Variants in HMGCLL1 observed in about 807,000 individuals in gnomAD.
HMGCLL1 encodes 3-hydroxymethyl-3-methylglutaryl-CoA lyase, cytoplasmic.
HMGCLL1 carries 36 observed loss-of-function variants against 39.1 expected under a neutral mutation model. That is an observed-to-expected ratio of 0.92 (90% CI 0.71 to 1.22). The LOEUF is 1.22. Ranked by LOEUF, HMGCLL1 falls within the 50% of genes most tolerant of loss-of-function variation. The pLI is 0.00. For synonymous variants in HMGCLL1, 149 were observed against 144.0 expected (o/e 1.03, Z -0.25); for missense variants, 451 against 416.5 (o/e 1.08, Z -0.72).
chr6:55,605,191 G>A, the HMGCLL1 span, among the ~76,000 whole-genome samples: 1 of 152,128 alleles, frequency 6.6e-6, no homozygotes, highest in Non-Finnish European at 1.5e-5. Flanking sequence ...GAAGGAAAGG[G>A]TAAAAACACT....
At chr6:55,543,160 T>TATATA (rs1168617216) in intron 1 of HMGCLL1, among the ~76,000 whole-genome samples, 1 of 6,230 alleles carries the variant, frequency 1.6e-4, no homozygotes, top group Non-Finnish European at 4.4e-4. Context: ...ATATATATTA[T>TATATA]ATATATAATA....
At chr6:55,559,915 C>T (rs1770858250) in intron 1 of HMGCLL1, among the ~76,000 whole-genome samples, 1 of 152,134 alleles carries the variant, frequency 6.6e-6, no homozygotes, top group South Asian at 2.1e-4. Flanking sequence ...AGTTAAACTT[C>T]ATTTTGTTTT....
At chr6:55,446,335 T>C (rs1763840048) in intron 7 of HMGCLL1, among the ~76,000 whole-genome samples, 1 of 148,972 alleles carries the variant, frequency 6.7e-6, no homozygotes, top group Admixed American at 6.7e-5. Context: ...ATATAACATA[T>C]ATAAATACAT....
chr6:55,579,140 C>G lies in HMGCLL1; in HGVS notation c.-85G>C, dbSNP rs527810724. On this transcript the variant is annotated 5_prime_UTR_variant, in exon 1 of 9. Coordinates refer to ENST00000274901, the MANE Select transcript of HMGCLL1 (RefSeq NM_001042406.2). ...GCACCGCGCTGGGAAACTGCGCCAG[C>G]TCGGGAGCGCGCCCCTCCGGTGCAC... is the stretch of plus-strand genomic sequence containing the variant. 421 of 1,014,334 alleles carry G rather than the reference C, an allele frequency of 4.2e-4. 1 individual carries two copies. Among genetic ancestry groups the G allele is most frequent in the Non-Finnish European group, 5.5e-4 (367 of 665,844 alleles). 62.8% of individuals were successfully genotyped at this position (1,014,334 alleles called of 1,614,324 possible).
the HMGCLL1 span, among the ~76,000 whole-genome samples, chr6:55,650,128 TATATATACACACAC>T: frequency 0.022 from 1,169 of 53,570 alleles, 19 homozygotes; most frequent in Non-Finnish European, 0.027. Flanking sequence ...TATATATATA[TATATATACACACAC>T]ACACACATAT....
chr6:55,667,270 A>G, the HMGCLL1 span, among the ~76,000 whole-genome samples: 2 of 151,788 alleles, frequency 1.3e-5, no homozygotes, highest in South Asian at 2.1e-4. Context: ...GATACTTTTG[A>G]TTATCTTAGA....
chr6:55,557,599 C>T (rs1264156953), intron 1 of HMGCLL1, among the ~76,000 whole-genome samples: 1 of 152,018 alleles, frequency 6.6e-6, no homozygotes, highest in Non-Finnish European at 1.5e-5. Context: ...TCCAGGTGAC[C>T]TATTTCATTT....
the HMGCLL1 span, among the ~76,000 whole-genome samples, chr6:55,650,799 G>A: frequency 6.6e-6 from 1 of 152,002 alleles, no homozygotes; most frequent in African/African-American, 2.4e-5. Context: ...AGGCAGAGGA[G>A]CCTCTCCCTA....
intron 7 of HMGCLL1, among the ~76,000 whole-genome samples, chr6:55,460,275 T>C: frequency 6.6e-6 from 1 of 151,972 alleles, no homozygotes; most frequent in East Asian, 1.9e-4. Context: ...ATAGCTATAT[T>C]CACAAAGGCT....
At chr6:55,601,917 A>G in the HMGCLL1 span, among the ~76,000 whole-genome samples, 1 of 152,126 alleles carries the variant, frequency 6.6e-6, no homozygotes, top group Non-Finnish European at 1.5e-5. Flanking sequence ...TTACTTTTCT[A>G]CGCACTTGTT....
chr6:55,541,895 A>G (rs1331904136), intron 2 of HMGCLL1, 59 bp from the exon 3 acceptor site: 2 of 1,085,658 alleles, frequency 1.8e-6, no homozygotes, highest in African/African-American at 1.6e-5. Context: ...AAGCACAAAC[A>G]GAAAATTACT....
At chr6:55,577,068 G>T (rs779375573) in intron 1 of HMGCLL1, 7 of 1,612,962 alleles carry the variant, frequency 4.3e-6, no homozygotes. Flanking sequence ...TGGGGCATCT[G>T]GATATTTACC....
the HMGCLL1 span, among the ~76,000 whole-genome samples, chr6:55,673,273 T>C: frequency 7.2e-5 from 11 of 151,978 alleles, no homozygotes; most frequent in Non-Finnish European, 1.5e-4. Context: ...AGCCTATTGG[T>C]ATTGTCTAGA....
chr6:55,596,010 T>G, the HMGCLL1 span, among the ~76,000 whole-genome samples: 1 of 152,158 alleles, frequency 6.6e-6, no homozygotes, highest in South Asian at 2.1e-4. Context: ...GTATCTACAT[T>G]GTGATGGCGT....
intron 7 of HMGCLL1, among the ~76,000 whole-genome samples, chr6:55,455,443 G>C (rs1387472183): frequency 6.6e-6 from 1 of 151,994 alleles, no homozygotes; most frequent in African/African-American, 2.4e-5. Context: ...ATTCAAAGAA[G>C]GTAGGAAAAT....
At chr6:55,546,090 T>C (rs1369135457) in intron 1 of HMGCLL1, among the ~76,000 whole-genome samples, 1 of 152,142 alleles carries the variant, frequency 6.6e-6, no homozygotes, top group Admixed American at 6.6e-5. Context: ...TGAAAAGATA[T>C]TCTCAAAGAA....
chr6:55,488,611 A>G (rs1047056949), intron 7 of HMGCLL1, among the ~76,000 whole-genome samples: 1 of 152,064 alleles, frequency 6.6e-6, no homozygotes, highest in Non-Finnish European at 1.5e-5. Flanking sequence ...TATGCTCTCT[A>G]TTGAAGAGAG....
intron 7 of HMGCLL1, among the ~76,000 whole-genome samples, chr6:55,494,238 A>G (rs1766467007): frequency 6.6e-6 from 1 of 152,164 alleles, no homozygotes; most frequent in African/African-American, 2.4e-5. Flanking sequence ...ACTGTTATTC[A>G]TTCTATAATA....
the HMGCLL1 span, among the ~76,000 whole-genome samples, chr6:55,637,835 A>G: frequency 1.3e-5 from 2 of 152,136 alleles, no homozygotes; most frequent in East Asian, 1.9e-4. Context: ...GGAATTATTC[A>G]TTAGAGAATG....
Sources: gnomAD v4.1 joint callset for allele counts (sites outside exome capture counted in the v4.1 genomes callset) on GRCh38, gnomAD v4.1.1 for gene constraint, MANE v1.5 for transcripts, NCBI Gene and HGNC (gene_info 2026-07-23, HGNC 2026-07-21) for gene names.